Variants in ABR observed in about 807,000 individuals in gnomAD.
ABR encodes ABR activator of RhoGEF and GTPase, also known as active breakpoint cluster region-related protein.
ABR carries 35 observed loss-of-function variants against 107.2 expected under a neutral mutation model. The observed-to-expected ratio is 0.33, with a 90% confidence interval of 0.25 to 0.43. The LOEUF (loss-of-function observed/expected upper bound fraction) is 0.43, where lower values mean the gene tolerates loss of function less well. ABR is among the 20% of genes least tolerant of loss of function. ABR has a pLI of 1.00. For missense variants in ABR, 815 were observed against 1,115.2 expected (o/e 0.73, Z 3.83); for synonymous variants, 498 against 462.0 (o/e 1.08, Z -1.00).
chr17:1,022,815 G>A (rs2071800180), intron 16 of ABR, among the ~76,000 whole-genome samples: 1 of 152,244 alleles, frequency 6.6e-6, no homozygotes, highest in Non-Finnish European at 1.5e-5. Context: ...CTGATGCCGT[G>A]TCCCAGGGCC....
intron 1 of ABR, among the ~76,000 whole-genome samples, chr17:1,177,350 C>A (rs1252552289): frequency 1.3e-5 from 2 of 152,196 alleles, no homozygotes; most frequent in Non-Finnish European, 2.9e-5. Flanking sequence ...CCTCACACTG[C>A]GGCCACATCA....
In ABR at chr17:1,050,427, G is replaced by A. The variant is rs1374758171; in HGVS notation, c.1659+110C>T. ...AAGCCAGAGGAGCAGGGAGCAGAAA[G>A]GGGGGTGCAGACATAGCTGGTCCAA... On this transcript the variant is annotated intron_variant, in intron 15 of 22. Coordinates refer to ENST00000302538, the MANE Select transcript of ABR (RefSeq NM_021962.5). The surrounding 1 kb of genome is among the most constrained non-coding windows in gnomAD (Gnocchi z 4.6). The A allele has an allele frequency of 1.3e-5, 14 of 1,097,002 alleles. No homozygotes were observed. The highest frequency in any genetic ancestry group is 2.7e-4 in the Middle Eastern group (1 of 3,712). The allele number at this position is 1,097,002 out of a possible 1,614,324, so 68.0% of individuals were successfully genotyped here.
intron 1 of ABR, among the ~76,000 whole-genome samples, chr17:1,145,577 C>G (rs1426583563): frequency 6.6e-6 from 1 of 152,202 alleles, no homozygotes; most frequent in Non-Finnish European, 1.5e-5. Context: ...TCGGAGCCCC[C>G]CTCCCATCTA....
intron 9 of ABR, among the ~76,000 whole-genome samples, chr17:1,068,251 G>A (rs560003006): frequency 1.2e-4 from 19 of 152,318 alleles, no homozygotes; most frequent in African/African-American, 3.8e-4. Flanking sequence ...CTTTATTGAC[G>A]TTCATAATCA....
rs1156413494 is a variant in ABR, at chr17:1,203,553, G to A, written c.838+25240C>T. 2.6e-5 allele frequency among the ~76,000 whole-genome samples: 4 copies of A among 152,100 alleles called. 1 individual carries two copies. Among genetic ancestry groups the A allele is most frequent in the African/African-American group, 9.7e-5 (4 of 41,430 alleles). On this transcript the variant is annotated intron_variant, in intron 1 of 22. Transcript: ENST00000574139. ...TGGTCACGTGATGAGGCTGCGGTAA[G>A]TCGCCCGGGCTGCCTAGTCCTCCAG... is the stretch of plus-strand genomic sequence containing the variant.
chr17:1,067,034 C>T (rs773455429), intron 10 of ABR, 43 bp downstream of exon 10: 4 of 1,602,482 alleles, frequency 2.5e-6, no homozygotes, highest in Admixed American at 3.4e-5. Context: ...CCCAACACAG[C>T]TGGCTCAAAG....
intron 1 of ABR, among the ~76,000 whole-genome samples, chr17:1,126,855 C>T (rs2039624640): frequency 6.6e-6 from 1 of 152,248 alleles, no homozygotes; most frequent in South Asian, 2.1e-4. Context: ...GTGGCAGGCT[C>T]TCGGGGAAAG....
intron 10 of ABR, among the ~76,000 whole-genome samples, chr17:1,062,170 G>A (rs539380388): frequency 4.1e-5 from 5 of 120,746 alleles, no homozygotes; most frequent in East Asian, 5.8e-4. Context: ...TGCTCCTCCC[G>A]TGGTGCCTTC....
chr17:1,020,590 G>A (rs1241386726), intron 16 of ABR, among the ~76,000 whole-genome samples: 1 of 152,188 alleles, frequency 6.6e-6, no homozygotes, highest in African/African-American at 2.4e-5. Flanking sequence ...GAAGGTGAGC[G>A]TGGATTCTCT....
rs1471393040 is a variant in ABR at position 1,027,129 on chromosome 17, T to C, written c.1792-13965A>G. Among the ~76,000 whole-genome samples, 1 of 152,226 alleles carries C rather than the reference T, an allele frequency of 6.6e-6. No homozygotes were observed. The highest frequency in any genetic ancestry group is 1.5e-5 in the Non-Finnish European group (1 of 68,046). ...CTGGGGCCTCATTGCCTCTGGGTAC[T>C]ACAGCAACACTGGGCTCAGGCAGCT... On this transcript the variant is annotated intron_variant, in intron 16 of 22. Coordinates refer to ENST00000302538, the MANE Select transcript of ABR (RefSeq NM_021962.5). The surrounding 1 kb of genome is among the most constrained non-coding windows in gnomAD (Gnocchi z 4.7).
At chr17:1,162,776 G>A (rs1393533562) in intron 1 of ABR, among the ~76,000 whole-genome samples, 2 of 151,970 alleles carry the variant, frequency 1.3e-5, no homozygotes, top group Admixed American at 6.6e-5. Context: ...TGTCATCCCA[G>A]CACTTTGAAA....
chr17:1,097,590 C>A (rs368538835), intron 3 of ABR, among the ~76,000 whole-genome samples: 186 of 104,692 alleles, frequency 1.8e-3, no homozygotes, highest in South Asian at 3.2e-3. Flanking sequence ...GACTCCGTCT[C>A]AAAAAAAAAA....
Position 1,179,615 on chromosome 17 carries a change from C to T in ABR, c.61+52G>A. On this transcript the variant is annotated intron_variant, in intron 1 of 22. Coordinates refer to ENST00000302538, the MANE Select transcript of ABR (RefSeq NM_021962.5). This position sits in a 1 kb window ranked among gnomAD's most constrained non-coding sequence, Gnocchi z 4.9. The stretch of plus-strand genomic sequence containing the variant: ...CCGATCCTGGGGTCCCGATCTCCAT[C>T]CTGGGGTCCCGATCCCGATCCTGGG... 1 of 1,458,216 alleles carries T rather than the reference C, an allele frequency of 6.9e-7. No homozygotes were observed. Among genetic ancestry groups the T allele is most frequent in the Non-Finnish European group, 9.1e-7 (1 of 1,099,700 alleles). 90.3% of individuals were successfully genotyped at this position (1,458,216 alleles called of 1,614,324 possible). A position where few individuals can be genotyped will look rare whatever the true frequency, so the allele number is the denominator to read the frequency against.
At chr17:1,032,276 C>A (rs549234048) in intron 16 of ABR, among the ~76,000 whole-genome samples, 2 of 152,156 alleles carry the variant, frequency 1.3e-5, no homozygotes, top group Non-Finnish European at 2.9e-5. Flanking sequence ...CTGCCCCAGG[C>A]ACCTTCCTCA....
At chr17:1,014,311 G>C (rs1186145011) in intron 16 of ABR, among the ~76,000 whole-genome samples, 1 of 133,562 alleles carries the variant, frequency 7.5e-6, no homozygotes, top group Non-Finnish European at 1.6e-5. Flanking sequence ...CGTGGTGGCG[G>C]GCGCCTGTAG....
At chr17:1,046,411 T>C (rs911781032) in intron 16 of ABR, among the ~76,000 whole-genome samples, 12 of 151,486 alleles carry the variant, frequency 7.9e-5, no homozygotes, top group Non-Finnish European at 1.0e-4. Context: ...GCTGGGATTA[T>C]GGGCGCGTGC....
chr17:1,015,952 G>A (rs1179423753), intron 16 of ABR, among the ~76,000 whole-genome samples: 1 of 152,122 alleles, frequency 6.6e-6, no homozygotes, highest in Non-Finnish European at 1.5e-5. Flanking sequence ...AGGTGCTGTG[G>A]CTCCCAGCCA....
intron 1 of ABR, among the ~76,000 whole-genome samples, chr17:1,136,408 T>C (rs2040069589): frequency 7.9e-6 from 1 of 127,036 alleles, no homozygotes; most frequent in African/African-American, 2.8e-5. Flanking sequence ...TTTGTATTTT[T>C]AGTAAAGACA....
intron 21 of ABR, 112 bp from the exon 22 acceptor site, chr17:1,007,424 C>G: frequency 7.6e-7 from 1 of 1,314,008 alleles, no homozygotes; most frequent in Non-Finnish European, 1.0e-6. Flanking sequence ...GAAGGGGTCA[C>G]CTCGTCTCTG....
Sources: gnomAD v4.1 joint callset for allele counts (sites outside exome capture counted in the v4.1 genomes callset) on GRCh38, gnomAD v4.1.1 for gene constraint, Gnocchi (gnomAD v3.1) non-coding constraint, MANE v1.5 for transcripts, NCBI Gene and HGNC (gene_info 2026-07-23, HGNC 2026-07-21) for gene names.